The following CAMK1D variants were observed in gnomAD, a reference collection of about 807,000 sequenced individuals.
The protein encoded by CAMK1D is calcium/calmodulin-dependent protein kinase type 1D.
CAMK1D carries 9 observed loss-of-function variants against 47.7 expected under a neutral mutation model. That is an observed-to-expected ratio of 0.19 (90% CI 0.11 to 0.33). CAMK1D has a LOEUF of 0.33. Among genes scored for constraint, CAMK1D ranks in the 10% least tolerant of loss-of-function variants. CAMK1D has a pLI of 1.00. For synonymous variants in CAMK1D, 184 were observed against 184.9 expected (o/e 0.99, Z 0.04); for missense variants, 291 against 488.7 (o/e 0.60, Z 3.81).
intron 1 of CAMK1D, among the ~76,000 whole-genome samples, chr10:12,549,445 T>C (rs1836507765): frequency 6.6e-6 from 1 of 152,262 alleles, no homozygotes; most frequent in Non-Finnish European, 1.5e-5. Flanking sequence ...TTTATCCATT[T>C]GTCCCCCAAT....
chr10:12,456,349 C>T (rs1029614622), intron 1 of CAMK1D: 4 of 151,892 alleles, frequency 2.6e-5, no homozygotes, highest in African/African-American at 9.7e-5. Flanking sequence ...TTGAGAGGGG[C>T]TGTTTTCTTC....
chr10:12,753,887 A>C (rs1405853721), intron 3 of CAMK1D, among the ~76,000 whole-genome samples: 2 of 151,780 alleles, frequency 1.3e-5, no homozygotes, highest in Non-Finnish European at 2.9e-5. Flanking sequence ...CCTCCTTTTT[A>C]GTTTTATTTC....
intron 1 of CAMK1D, among the ~76,000 whole-genome samples, chr10:12,368,696 A>G (rs1416836130): frequency 6.6e-6 from 1 of 151,410 alleles, no homozygotes; most frequent in Non-Finnish European, 1.5e-5. Flanking sequence ...GGAGGCCCAA[A>G]TCATTCCACT....
chr10:12,450,438 G>T (rs777243745), intron 1 of CAMK1D, among the ~76,000 whole-genome samples: 1 of 152,108 alleles, frequency 6.6e-6, no homozygotes, highest in Non-Finnish European at 1.5e-5. Context: ...TTAATTTCTT[G>T]TTCTTAAAGA....
chr10:12,714,080 C>T (rs1418574299), intron 3 of CAMK1D, among the ~76,000 whole-genome samples: 1 of 152,198 alleles, frequency 6.6e-6, no homozygotes, highest in African/African-American at 2.4e-5. Context: ...ACATCCCTGC[C>T]ACAGCCCATG....
intron 1 of CAMK1D, among the ~76,000 whole-genome samples, chr10:12,354,014 A>G (rs931271468): frequency 5.9e-5 from 9 of 152,054 alleles, no homozygotes; most frequent in Non-Finnish European, 1.3e-4. Context: ...AGCACCCTAG[A>G]CTCATAGAAG....
chr10:12,522,837 TCCCTCCCGGACAGGGCGGCTGGCC>T (rs1835471845), intron 1 of CAMK1D, among the ~76,000 whole-genome samples: 5 of 53,982 alleles, frequency 9.3e-5, no homozygotes, highest in South Asian at 2.1e-3. Flanking sequence ...GCCCCCCACC[TCCCTCCCGGACAGGGCGGCTGGCC>T]GGGCGGGGGC....
At chr10:12,766,516 G>A (rs900621275) in intron 4 of CAMK1D, among the ~76,000 whole-genome samples, 18 of 152,006 alleles carry the variant, frequency 1.2e-4, no homozygotes, top group African/African-American at 4.3e-4. Flanking sequence ...ACAGCTGCTG[G>A]CATTCACCAG....
chr10:12,559,293 A>T (rs1245374521), intron 2 of CAMK1D, among the ~76,000 whole-genome samples: 1 of 152,122 alleles, frequency 6.6e-6, no homozygotes, highest in African/African-American at 2.4e-5. Flanking sequence ...AAAAAAATAA[A>T]TAAAAGGAAA....
chr10:12,709,204 T>C (rs1483534598), intron 3 of CAMK1D, among the ~76,000 whole-genome samples: 2 of 152,084 alleles, frequency 1.3e-5, no homozygotes, highest in African/African-American at 4.8e-5. Context: ...CACAGTTATA[T>C]AAATGGAAAA....
At chr10:12,689,902 A>AT (rs1186244325) in intron 3 of CAMK1D, among the ~76,000 whole-genome samples, 2 of 152,200 alleles carry the variant, frequency 1.3e-5, no homozygotes, top group Non-Finnish European at 2.9e-5. Flanking sequence ...TTTATGGTTC[A>AT]TTCTGGTTTG....
At chr10:12,665,349 C>G (rs1186080418) in intron 2 of CAMK1D, among the ~76,000 whole-genome samples, 2 of 152,228 alleles carry the variant, frequency 1.3e-5, no homozygotes, top group African/African-American at 4.8e-5. Flanking sequence ...TTATAAACTT[C>G]TTTCGCGGGG....
intron 3 of CAMK1D, among the ~76,000 whole-genome samples, chr10:12,710,289 G>A (rs553787010): frequency 6.6e-5 from 10 of 152,222 alleles, no homozygotes; most frequent in East Asian, 1.9e-4. Context: ...ATTGATTTAC[G>A]TTGTAAGTAA....
chr10:12,405,966 G>A (rs1026171797), intron 1 of CAMK1D, among the ~76,000 whole-genome samples: 6 of 152,200 alleles, frequency 3.9e-5, no homozygotes, highest in African/African-American at 1.2e-4. Flanking sequence ...GGGCAAATGC[G>A]AGCATCTGAT....
intron 3 of CAMK1D, among the ~76,000 whole-genome samples, chr10:12,691,403 AAATATATATATATATATATTTTTTTT>A (rs1832913269): frequency 2.8e-4 from 2 of 7,098 alleles, no homozygotes; most frequent in African/African-American, 1.0e-3. Context: ...ATATATATAT[AAATATATATATATATATATTTTTTTT>A]TTTTTTTTTT....
intron 1 of CAMK1D, among the ~76,000 whole-genome samples, chr10:12,449,321 A>T (rs1162394193): frequency 6.6e-6 from 1 of 152,038 alleles, no homozygotes; most frequent in African/African-American, 2.4e-5. Context: ...CGTCTTGTGT[A>T]GCTGCTCCCG....
At chr10:12,451,483 G>A (rs1221602993) in intron 1 of CAMK1D, among the ~76,000 whole-genome samples, 1 of 152,198 alleles carries the variant, frequency 6.6e-6, no homozygotes, top group Non-Finnish European at 1.5e-5. Flanking sequence ...GGGACCCAGT[G>A]CCCTGGCTCC....
chr10:12,466,865 C>G (rs1833607243), intron 1 of CAMK1D, among the ~76,000 whole-genome samples: 1 of 152,062 alleles, frequency 6.6e-6, no homozygotes, highest in Non-Finnish European at 1.5e-5. Flanking sequence ...AGACAGATGA[C>G]AGGTGCAAAA....
chr10:12,652,689 G>C (rs1014231060), intron 2 of CAMK1D, among the ~76,000 whole-genome samples: 17 of 152,178 alleles, frequency 1.1e-4, no homozygotes. Context: ...TAGCCCTGGA[G>C]GTTACACTAG....
Sources: allele counts gnomAD v4.1 joint callset (sites outside exome capture counted in the v4.1 genomes callset), GRCh38; gene constraint gnomAD v4.1.1; transcripts MANE v1.5; gene names NCBI Gene and HGNC (gene_info 2026-07-23, HGNC 2026-07-21).